Variants in KCTD9 observed in about 807,000 individuals in gnomAD.
The protein encoded by KCTD9 is BTB/POZ domain-containing protein KCTD9.
A neutral mutation model predicts 53.3 loss-of-function variants in KCTD9; 17 were observed. The ratio of observed to expected loss-of-function variants is 0.32; its 90% CI spans 0.22 to 0.48. KCTD9 has a LOEUF of 0.48. Ranked by LOEUF, KCTD9 falls within the 20% of genes least tolerant of loss-of-function variation. The pLI is 0.99. For missense variants in KCTD9, 179 were observed against 465.5 expected (o/e 0.38, Z 5.66); for synonymous variants, 128 against 162.7 (o/e 0.79, Z 1.62).
At chr8:25,449,836 G>C (rs200643642) in intron 1 of KCTD9, among the ~76,000 whole-genome samples, 1 of 149,698 alleles carries the variant, frequency 6.7e-6, no homozygotes, top group Non-Finnish European at 1.5e-5. Flanking sequence ...AAAAAATGAA[G>C]AAAAAAAAAC....
chr8:25,438,071 T>G (rs531200777), intron 6 of KCTD9, among the ~76,000 whole-genome samples: 1 of 152,096 alleles, frequency 6.6e-6, no homozygotes, highest in Non-Finnish European at 1.5e-5. Flanking sequence ...TTTTGAACAC[T>G]TGAACAAATA....
At chr8:25,449,273 A>C (rs1442738258) in intron 1 of KCTD9, among the ~76,000 whole-genome samples, 1 of 152,216 alleles carries the variant, frequency 6.6e-6, no homozygotes, top group Non-Finnish European at 1.5e-5. Flanking sequence ...GCCATCATAC[A>C]AAGAATTTTC....
chr8:25,444,457 T>C (rs996937860), intron 2 of KCTD9, 122 bp from the exon 3 acceptor site: 20 of 835,776 alleles, frequency 2.4e-5, no homozygotes, highest in Non-Finnish European at 3.7e-5. Flanking sequence ...CAATCTAGAC[T>C]GCAAAGAAGC....
chr8:25,456,724 T>C (rs2117454033), intron 1 of KCTD9, among the ~76,000 whole-genome samples: 1 of 152,212 alleles, frequency 6.6e-6, no homozygotes, highest in South Asian at 2.1e-4. Flanking sequence ...TGAACAACAA[T>C]ATGGAAAGAC....
intron 1 of KCTD9, among the ~76,000 whole-genome samples, chr8:25,449,498 T>C (rs1802278747): frequency 6.6e-6 from 1 of 152,222 alleles, no homozygotes; most frequent in African/African-American, 2.4e-5. Context: ...TAAGATCTTA[T>C]ATGACTTATT....
intron 11 of KCTD9, among the ~76,000 whole-genome samples, chr8:25,430,799 C>A (rs560725258): frequency 8.5e-6 from 1 of 117,986 alleles, no homozygotes; most frequent in Admixed American, 1.1e-4. Flanking sequence ...TGGATTCCAA[C>A]ATAATAAATA....
chr8:25,431,545 G>T (rs1019432655), intron 11 of KCTD9, among the ~76,000 whole-genome samples: 4 of 152,082 alleles, frequency 2.6e-5, no homozygotes, highest in African/African-American at 9.7e-5. Context: ...TAGTCAACCT[G>T]ATCAGTCTTT....
At chr8:25,432,812 C>A (rs1302770774) in intron 10 of KCTD9, among the ~76,000 whole-genome samples, 175 bp from the exon 11 acceptor site, 1 of 152,124 alleles carries the variant, frequency 6.6e-6, no homozygotes, top group East Asian at 1.9e-4. Flanking sequence ...AATGCTTTCA[C>A]AATACTTTTG....
At chr8:25,433,918 G>A (rs1229697493) in intron 9 of KCTD9, among the ~76,000 whole-genome samples, 2 of 152,124 alleles carry the variant, frequency 1.3e-5, no homozygotes, top group Non-Finnish European at 2.9e-5. Context: ...CAAGTCAGAG[G>A]TCAGAATACA....
Position 25,440,644 on chromosome 8 carries a change from C to G in KCTD9, c.244G>C (p.Gly82Arg), listed in dbSNP as rs1802104837. ...CAGTCTGTGTGGAATCCTAACAATCCCTCAGGAGGCTTAGAATCTGTCTGA... is the reference window on the plus strand; with the variant it reads ...CAGTCTGTGTGGAATCCTAACAATCGCTCAGGAGGCTTAGAATCTGTCTGA... ...DPQTDSKPPE[G>R]LLGFHTDWLT... The change falls in exon 4 of 12, where the codon GGA (glycine) becomes CGA (arginine). Residue 82 changes from glycine to arginine, a missense_variant. By Grantham distance (125) the Gly-to-Arg change is moderately radical. Coordinates refer to ENST00000221200, the MANE Select transcript of KCTD9 (RefSeq NM_017634.4). The G allele has an allele frequency of 1.9e-6, 3 of 1,611,308 alleles. No homozygotes were observed. The South Asian group carries it at 3.3e-5, about 18-fold the overall frequency.
chr8:25,434,417 T>A (rs1172528900), intron 9 of KCTD9, among the ~76,000 whole-genome samples: 1 of 150,104 alleles, frequency 6.7e-6, no homozygotes, highest in Non-Finnish European at 1.5e-5. Flanking sequence ...TGTTCATTTA[T>A]CTCAAAGCGT....
chr8:25,454,760 C>A (rs1450718424), intron 1 of KCTD9, among the ~76,000 whole-genome samples: 1 of 152,176 alleles, frequency 6.6e-6, no homozygotes, highest in Non-Finnish European at 1.5e-5. Context: ...GGCATGTACT[C>A]AAACATCTGT....
intron 3 of KCTD9, 37 bp from the exon 4 acceptor site, chr8:25,440,710 G>T: frequency 7.3e-7 from 1 of 1,378,494 alleles, no homozygotes; most frequent in Non-Finnish European, 1.0e-6. Context: ...CAAATATTAA[G>T]ATTGGGGATT....
chr8:25,458,430 C>G lies in KCTD9; in HGVS notation c.-184G>C, dbSNP rs970865397. ...GTCCCACACCCAAGGTTCGGCCGGT[C>G]CTCCTTCCCACCCCGCCCCTAGGCT... On this transcript the variant is annotated 5_prime_UTR_variant, in exon 1 of 12. Transcript: ENST00000221200. 8 of 677,792 alleles carry G rather than the reference C, an allele frequency of 1.2e-5. No individual in the cohort carries two copies. The Admixed American group carries it at 1.7e-4, about 14-fold the overall frequency. 42.0% of individuals were successfully genotyped at this position (677,792 alleles called of 1,614,324 possible).
intron 1 of KCTD9, among the ~76,000 whole-genome samples, 165 bp from the exon 2 acceptor site, chr8:25,446,415 T>G (rs1802215033): frequency 1.3e-5 from 2 of 152,204 alleles, no homozygotes; most frequent in Admixed American, 1.3e-4. Context: ...ATTTATTCAC[T>G]TGGTGCCTAA....
intron 11 of KCTD9, among the ~76,000 whole-genome samples, chr8:25,432,116 AGAT>A (rs1052287936): frequency 2.6e-5 from 4 of 152,224 alleles, no homozygotes; most frequent in Non-Finnish European, 4.4e-5. Flanking sequence ...TCTTTGAAAA[AGAT>A]GACCAGGCAA....
At chr8:25,456,827 A>G (rs891285050) in intron 1 of KCTD9, among the ~76,000 whole-genome samples, 1 of 152,242 alleles carries the variant, frequency 6.6e-6, no homozygotes, top group African/African-American at 2.4e-5. Context: ...TTTGTCTTCC[A>G]TGAGTAACAT....
At position 25,429,701 on chromosome 8, in the gene KCTD9, C is replaced by G; in HGVS notation, c.*156G>C. ...TATGGAAAAAAAGTCAGTTTTTTCC[C>G]TTATGCACCACTCAAAACAAGCATA... On this transcript the variant is annotated 3_prime_UTR_variant, in exon 12 of 12. Coordinates refer to ENST00000221200, the MANE Select transcript of KCTD9 (RefSeq NM_017634.4). 2 of 603,006 alleles carry G rather than the reference C, an allele frequency of 3.3e-6. No homozygotes were observed. Among genetic ancestry groups the G allele is most frequent in the South Asian group, 3.9e-5 (2 of 50,932 alleles). 37.4% of individuals were successfully genotyped at this position (603,006 alleles called of 1,614,324 possible). A position where few individuals can be genotyped will look rare whatever the true frequency, so the allele number is the denominator to read the frequency against.
chr8:25,457,639 G>C (rs1339458051), intron 1 of KCTD9: 2 of 152,280 alleles, frequency 1.3e-5, no homozygotes, highest in African/African-American at 4.8e-5. Flanking sequence ...GCATCTCAGA[G>C]AGGAGGGCAA....
Sources: allele counts gnomAD v4.1 joint callset (sites outside exome capture counted in the v4.1 genomes callset), GRCh38; gene constraint gnomAD v4.1.1; transcripts MANE v1.5; gene names NCBI Gene and HGNC (gene_info 2026-07-23, HGNC 2026-07-21).